CHD9: variants seen among roughly 807,000 people sequenced by gnomAD.
The protein encoded by CHD9 is ATP-dependent chromatin remodeler CHD9.
A neutral mutation model predicts 316.1 loss-of-function variants in CHD9; 77 were observed. That is an observed-to-expected ratio of 0.24 (90% CI 0.20 to 0.29). CHD9 has a LOEUF of 0.29. Ranked by LOEUF, CHD9 falls within the 10% of genes least tolerant of loss-of-function variation. The pLI is 1.00. For missense variants in CHD9, 2,763 were observed against 3,438.1 expected (o/e 0.80, Z 4.91); for synonymous variants, 1,129 against 1,158.3 (o/e 0.97, Z 0.51).
chr16:53,096,920 C>T (rs746478929), intron 1 of CHD9, among the ~76,000 whole-genome samples: 2 of 151,928 alleles, frequency 1.3e-5, no homozygotes, highest in African/African-American at 2.4e-5. Context: ...ATAAAGCCAT[C>T]AGTCCCCACC....
intron 1 of CHD9, among the ~76,000 whole-genome samples, chr16:53,147,948 A>T (rs1417936311): frequency 2.6e-5 from 4 of 152,116 alleles, no homozygotes; most frequent in Admixed American, 2.0e-4. Flanking sequence ...CCATGGCTGT[A>T]ATCTCAGCAC....
At chr16:53,320,533 T>C (rs2057205567) in intron 37 of CHD9, among the ~76,000 whole-genome samples, 1 of 152,006 alleles carries the variant, frequency 6.6e-6, no homozygotes, top group Non-Finnish European at 1.5e-5. Flanking sequence ...AAAAAATAAA[T>C]AAATACTTAT....
At chr16:53,145,382 C>G (rs1397720241) in intron 1 of CHD9, among the ~76,000 whole-genome samples, 1 of 151,204 alleles carries the variant, frequency 6.6e-6, no homozygotes, top group Non-Finnish European at 1.5e-5. Flanking sequence ...AACTACCGAC[C>G]TCAGGTGATC....
intron 13 of CHD9, among the ~76,000 whole-genome samples, chr16:53,244,848 T>A (rs984394560): frequency 1.3e-5 from 2 of 152,174 alleles, no homozygotes; most frequent in African/African-American, 4.8e-5. Flanking sequence ...AAATTATGAG[T>A]CTGGGTACCG....
At chr16:53,198,369 A>G (rs559626933) in intron 2 of CHD9, among the ~76,000 whole-genome samples, 7 of 142,946 alleles carry the variant, frequency 4.9e-5, no homozygotes, top group African/African-American at 1.8e-4. Flanking sequence ...GCCAGGCTAG[A>G]GTACAGTGGC....
chr16:53,186,267 A>G (rs2043997321), intron 2 of CHD9, among the ~76,000 whole-genome samples: 1 of 152,244 alleles, frequency 6.6e-6, no homozygotes, highest in Non-Finnish European at 1.5e-5. Context: ...GATGTGAGAC[A>G]TGGAGTCAAA....
chr16:53,323,739 T>C (rs1378911798), intron 38 of CHD9, among the ~76,000 whole-genome samples: 1 of 152,170 alleles, frequency 6.6e-6, no homozygotes, highest in Non-Finnish European at 1.5e-5. Flanking sequence ...TTGGACCTTA[T>C]ATTTTCTAGA....
In CHD9 at chr16:53,245,527, G is replaced by A. The variant is rs1409842980; in HGVS notation, c.3198+48G>A. On this transcript the variant is annotated intron_variant, in intron 14 of 38. Coordinates refer to ENST00000447540, the MANE Select transcript of CHD9 (RefSeq NM_001308319.2). This position sits in a 1 kb window ranked among gnomAD's most constrained non-coding sequence, Gnocchi z 4.1. Reference sequence around the variant, plus strand: ...TACATTCATCGCATTTCTAATCATTGTAATTATTTTGTATGTGTAATTAAA... The same window carrying A: ...TACATTCATCGCATTTCTAATCATTATAATTATTTTGTATGTGTAATTAAA... 6.5e-6 allele frequency: 10 copies of A among 1,539,768 alleles called. No individual in the cohort carries two copies. Among genetic ancestry groups the A allele is most frequent in the Non-Finnish European group, 8.7e-6 (10 of 1,146,840 alleles).
intron 1 of CHD9, among the ~76,000 whole-genome samples, chr16:53,138,970 G>A (rs550431928): frequency 1.4e-4 from 21 of 152,296 alleles, no homozygotes; most frequent in Middle Eastern, 6.8e-3. Flanking sequence ...CAATTGCAAA[G>A]GGGCAGTTAA....
At chr16:53,201,673 GCCA>G (rs1415005839) in intron 2 of CHD9, among the ~76,000 whole-genome samples, 1 of 151,918 alleles carries the variant, frequency 6.6e-6, no homozygotes, top group Non-Finnish European at 1.5e-5. Flanking sequence ...CCATCTCCCA[GCCA>G]CCAACAGCTG....
intron 38 of CHD9, among the ~76,000 whole-genome samples, chr16:53,322,484 G>T (rs1278948054): frequency 1.3e-5 from 2 of 151,338 alleles, no homozygotes; most frequent in Non-Finnish European, 2.9e-5. Context: ...CCCAGCTGAG[G>T]CTGAGGCTGA....
chr16:53,299,989 T>C (rs540558682), intron 30 of CHD9, among the ~76,000 whole-genome samples: 1 of 152,354 alleles, frequency 6.6e-6, no homozygotes, highest in East Asian at 1.9e-4. Flanking sequence ...AAATGCACAT[T>C]AGAAGACAAA....
Position 53,318,419 on chromosome 16 carries a change from G to A in CHD9, c.7713+79G>A, listed in dbSNP as rs2057037773. The stretch of plus-strand genomic sequence containing the variant: ...CTCCAGAACACTATTTCATTATGTG[G>A]TGGTGTTTTCTAACAGACCTGGAAA... On this transcript the variant is annotated intron_variant, in intron 37 of 38. Coordinates refer to ENST00000447540, the MANE Select transcript of CHD9 (RefSeq NM_001308319.2). 9.9e-6 allele frequency: 11 copies of A among 1,115,110 alleles called. No homozygotes were observed. The South Asian group carries it at 2.2e-4, about 23-fold the overall frequency. 69.1% of individuals were successfully genotyped at this position (1,115,110 alleles called of 1,614,324 possible). A position where few individuals can be genotyped will look rare whatever the true frequency, so the allele number is the denominator to read the frequency against.
intron 1 of CHD9, among the ~76,000 whole-genome samples, chr16:53,064,454 C>T (rs528151729): frequency 6.6e-6 from 1 of 152,184 alleles, no homozygotes; most frequent in South Asian, 2.1e-4. Flanking sequence ...GGGTGACTGA[C>T]ATGGCAAAGG....
At chr16:53,217,916 C>A (rs1341774934) in intron 3 of CHD9, among the ~76,000 whole-genome samples, 1 of 36,004 alleles carries the variant, frequency 2.8e-5, no homozygotes, top group Non-Finnish European at 5.4e-5. Context: ...ATACTCTTTT[C>A]TTTCTTTCTT....
chr16:53,316,057 A>G (rs555707562), intron 36 of CHD9, among the ~76,000 whole-genome samples: 1 of 152,194 alleles, frequency 6.6e-6, no homozygotes, highest in South Asian at 2.1e-4. Flanking sequence ...GCCTGGCCAC[A>G]GGCCACCACA....
chr16:53,175,186 C>G lies in CHD9; in HGVS notation c.1452+17645C>G, dbSNP rs550218439. On this transcript the variant is annotated intron_variant, in intron 2 of 38. Transcript: ENST00000447540. ...ATTGCTGATCACTACTCATCTAGAA[C>G]CTTTAAAGGGCACCCTCTGAAGATC... 2.6e-5 allele frequency among the ~76,000 whole-genome samples: 4 copies of G among 152,056 alleles called. No homozygotes were observed. In the East Asian group the frequency reaches 7.7e-4, roughly 29 times the overall value.
chr16:53,266,345 T>G (rs1427425502), intron 20 of CHD9, among the ~76,000 whole-genome samples: 1 of 152,170 alleles, frequency 6.6e-6, no homozygotes, highest in Non-Finnish European at 1.5e-5. Context: ...TACCAGGACC[T>G]TTATGGTCTG....
intron 1 of CHD9, among the ~76,000 whole-genome samples, chr16:53,139,797 C>G (rs761889798): frequency 1.3e-5 from 2 of 152,062 alleles, no homozygotes; most frequent in African/African-American, 2.4e-5. Flanking sequence ...CTATTTAAAG[C>G]CTTCGAAAAT....
Sources: allele counts gnomAD v4.1 joint callset (sites outside exome capture counted in the v4.1 genomes callset), GRCh38; gene constraint gnomAD v4.1.1; non-coding constraint Gnocchi (gnomAD v3.1); transcripts MANE v1.5; gene names NCBI Gene and HGNC (gene_info 2026-07-23, HGNC 2026-07-21).